The following PROM1 variants were observed in gnomAD, a reference collection of about 807,000 sequenced individuals.
PROM1 encodes prominin 1.
PROM1 carries 105 observed loss-of-function variants against 116.9 expected under a neutral mutation model. The observed-to-expected ratio is 0.90, with a 90% CI of 0.77 to 1.06. The LOEUF (loss-of-function observed/expected upper bound fraction) is 1.06. PROM1 is among the 50% of genes least tolerant of loss of function. The pLI is 0.00. For missense variants in PROM1, 1,122 were observed against 1,045.2 expected (o/e 1.07, Z -1.01); for synonymous variants, 393 against 387.0 (o/e 1.02, Z -0.18).
chr4:15,975,439 T>C (rs1353674903), intron 26 of PROM1, among the ~76,000 whole-genome samples: 1 of 152,188 alleles, frequency 6.6e-6, no homozygotes, highest in Admixed American at 6.5e-5. Flanking sequence ...CAGGCTGGTC[T>C]CAAACTCCTG....
intron 2 of PROM1, among the ~76,000 whole-genome samples, chr4:16,068,257 C>T (rs1232959210): frequency 2.0e-5 from 3 of 152,186 alleles, no homozygotes; most frequent in African/African-American, 7.2e-5. Flanking sequence ...GACTAGGCTC[C>T]TGTACTAGGC....
rs534172609 is a variant in PROM1, at chr4:16,018,294, T to G, written c.1002+29A>C. The stretch of plus-strand genomic sequence containing the variant: ...CCCGGCAATCCCCAGCATGCAGCCC[T>G]TGACCATGGCAAGCTCATGCCTGCT... On this transcript the variant is annotated intron_variant, in intron 9 of 27. Coordinates refer to ENST00000447510, the MANE Select transcript of PROM1 (RefSeq NM_006017.3). 3 of 1,605,572 alleles carry G rather than the reference T, an allele frequency of 1.9e-6. No individual in the cohort carries two copies. The African/African-American group carries it at 4.0e-5, about 21-fold the overall frequency.
chr4:16,019,703 A>T lies in PROM1; in HGVS notation c.785-1163T>A, dbSNP rs561202819. The stretch of plus-strand genomic sequence containing the variant: ...ATTAGAGGGCTTTGCTCTTCTTCTA[A>T]GCAAATAAATCTTCTTGGTCAGGTC... On this transcript the variant is annotated intron_variant, in intron 8 of 27. Coordinates refer to ENST00000447510, the MANE Select transcript of PROM1 (RefSeq NM_006017.3). Among the ~76,000 whole-genome samples, 36 of 152,346 alleles carry T rather than the reference A, an allele frequency of 2.4e-4. No homozygotes were observed. In the South Asian group the frequency reaches 5.6e-3, roughly 24 times the overall value.
chr4:16,060,336 G>A (rs1409926130), intron 2 of PROM1, among the ~76,000 whole-genome samples: 1 of 151,608 alleles, frequency 6.6e-6, no homozygotes, highest in Non-Finnish European at 1.5e-5. Context: ...TTGGGACAGG[G>A]TCTTACTCTG....
At chr4:16,065,683 A>C (rs1010310599) in intron 2 of PROM1, among the ~76,000 whole-genome samples, 1 of 152,220 alleles carries the variant, frequency 6.6e-6, no homozygotes, top group Non-Finnish European at 1.5e-5. Context: ...TCAGGTTTCA[A>C]TCTGATTCTG....
Position 15,984,313 on chromosome 4 carries a change from G to C in PROM1, c.2323C>G (p.Leu775Val). Residue 775 changes from leucine (L) to valine (V), a missense_variant, in exon 23 of 28, where the codon CTA (leucine) becomes GTA (valine). Transcript: ENST00000447510. ...VASCKPVATALDTAVDVFLCS... is the reference protein window; with the variant it reads ...VASCKPVATAVDTAVDVFLCS... ...AGAAAGACATCAACAGCAGTATCTAGAGCGGTGGCCACAGGTTTGCACGAT... is the reference window on the plus strand; with the variant it reads ...AGAAAGACATCAACAGCAGTATCTACAGCGGTGGCCACAGGTTTGCACGAT... 6 of 1,609,018 alleles carry C rather than the reference G, an allele frequency of 3.7e-6. No homozygotes were observed. The highest frequency in any genetic ancestry group is 2.2e-5 in the East Asian group (1 of 44,810).
At chr4:15,991,625 G>A (rs1328539519) in intron 17 of PROM1, among the ~76,000 whole-genome samples, 2 of 150,532 alleles carry the variant, frequency 1.3e-5, no homozygotes, top group Non-Finnish European at 3.0e-5. Flanking sequence ...CCCAGACTAG[G>A]TAAATCCATC....
intron 5 of PROM1, among the ~76,000 whole-genome samples, chr4:16,026,067 G>A (rs1342696094): frequency 6.6e-6 from 1 of 152,200 alleles, no homozygotes; most frequent in Admixed American, 6.5e-5. Flanking sequence ...TTACGCATAT[G>A]TACTTGTGAA....
Position 15,979,877 on chromosome 4 carries a change from T to C in PROM1, c.2513+4A>G. ...AGGAATATAGTTTTTTTAAAAAGGCTTACTTTTTCATGGGTATAGTTTCAA... is the reference window on the plus strand; with the variant it reads ...AGGAATATAGTTTTTTTAAAAAGGCCTACTTTTTCATGGGTATAGTTTCAA... On this transcript the variant is annotated splice_donor_region_variant and intron_variant, in intron 25 of 27. Coordinates refer to ENST00000447510, the MANE Select transcript of PROM1 (RefSeq NM_006017.3). 1 of 1,453,464 alleles carries C rather than the reference T, an allele frequency of 6.9e-7. No individual in the cohort carries two copies. The highest frequency in any genetic ancestry group is 9.4e-7 in the Non-Finnish European group (1 of 1,063,712). 90.0% of individuals were successfully genotyped at this position (1,453,464 alleles called of 1,614,324 possible). A position where few individuals can be genotyped will look rare whatever the true frequency, so the allele number is the denominator to read the frequency against.
intron 27 of PROM1, 22 bp downstream of exon 27, chr4:15,971,021 T>G (rs1714405759): frequency 6.4e-7 from 1 of 1,559,600 alleles, no homozygotes; most frequent in Admixed American, 1.8e-5. Flanking sequence ...TAGATTCTCT[T>G]CAATGAAAGC....
At chr4:15,984,688 A>T (rs1718881294) in intron 22 of PROM1, among the ~76,000 whole-genome samples, 1 of 152,202 alleles carries the variant, frequency 6.6e-6, no homozygotes, top group Non-Finnish European at 1.5e-5. Flanking sequence ...CATGAACCCT[A>T]TTGTGGAACT....
chr4:15,986,639 C>A (rs1158705637), intron 20 of PROM1, among the ~76,000 whole-genome samples: 1 of 152,198 alleles, frequency 6.6e-6, no homozygotes, highest in African/African-American at 2.4e-5. Flanking sequence ...CACACCCTCG[C>A]CCTGTTCACA....
intron 1 of PROM1, chr4:16,080,824 G>T (rs142235235): frequency 6.6e-6 from 1 of 152,196 alleles, no homozygotes; most frequent in Non-Finnish European, 1.5e-5. Context: ...CTGGGCCTGC[G>T]CACTCTGAAG....
chr4:15,992,615 T>TA (rs1414594568), intron 16 of PROM1, among the ~76,000 whole-genome samples: 1 of 151,900 alleles, frequency 6.6e-6, no homozygotes, highest in Non-Finnish European at 1.5e-5. Context: ...AACATAAATT[T>TA]AAAAAATAAA....
rs151170947 is a variant in PROM1, at chr4:16,006,313, GTGT to G, written c.1454+222_1454+224del. Among the ~76,000 whole-genome samples the G allele has an allele frequency of 6.1e-3, 933 of 152,296 alleles. 56 individuals are homozygous for G. In the East Asian group the frequency reaches 0.15, roughly 24 times the overall value. ...GGTCTATCAAAATGCAAGTAATTTA[GTGT>G]TGTTGTTGTTGTTGTTTGTTTGTTT... is the stretch of plus-strand genomic sequence containing the variant. On this transcript the variant is annotated intron_variant, in intron 13 of 27. Transcript: ENST00000447510.
chr4:16,022,145 AAGGGAGGG>A (rs963410027), intron 8 of PROM1, among the ~76,000 whole-genome samples: 7 of 145,428 alleles, frequency 4.8e-5, no homozygotes, highest in Non-Finnish European at 1.1e-4. Flanking sequence ...GAAAGAAAGA[AAGGGAGGG>A]AGGGAGGGAG....
chr4:16,082,890 CGCTCCTCTTT>C (rs1170286164), intron 1 of PROM1, among the ~76,000 whole-genome samples: 1 of 152,098 alleles, frequency 6.6e-6, no homozygotes, highest in Non-Finnish European at 1.5e-5. Flanking sequence ...GGTCTGTCCA[CGCTCCTCTTT>C]GTTGTCCGGT....
intron 5 of PROM1, among the ~76,000 whole-genome samples, chr4:16,025,754 C>T (rs537243487): frequency 1.3e-5 from 2 of 152,240 alleles, no homozygotes; most frequent in Non-Finnish European, 2.9e-5. Flanking sequence ...TGCTCCCTGA[C>T]CCCCCAAAGA....
chr4:16,017,144 T>C (rs1331584612), intron 9 of PROM1, among the ~76,000 whole-genome samples: 1 of 152,186 alleles, frequency 6.6e-6, no homozygotes, highest in Admixed American at 6.5e-5. Flanking sequence ...CCAACTTACC[T>C]TTTGAGAAAA....
Sources: allele counts gnomAD v4.1 joint callset (sites outside exome capture counted in the v4.1 genomes callset), GRCh38; gene constraint gnomAD v4.1.1; transcripts MANE v1.5; gene names NCBI Gene and HGNC (gene_info 2026-07-23, HGNC 2026-07-21).